WDR4: variants seen among roughly 807,000 people sequenced by gnomAD.
WDR4 encodes the protein tRNA (guanine-N(7)-)-methyltransferase non-catalytic subunit WDR4.
Under a neutral mutation model 48.6 loss-of-function variants are expected in WDR4, and 47 were observed. The ratio of observed to expected loss-of-function variants is 0.97; its 90% confidence interval spans 0.77 to 1.23. WDR4 has a LOEUF of 1.23. Ranked by LOEUF, WDR4 falls within the 50% of genes most tolerant of loss-of-function variation. The pLI, the probability that WDR4 is intolerant of heterozygous loss-of-function variation, is 0.00. For missense variants in WDR4, 606 were observed against 551.6 expected (o/e 1.10, Z -0.99); for synonymous variants, 268 against 230.0 (o/e 1.17, Z -1.49).
intron 2 of WDR4, among the ~76,000 whole-genome samples, 164 bp from the exon 3 acceptor site, chr21:42,873,855 ACAGCTCTAATTTTAT>A (rs2058430111): frequency 2.0e-5 from 3 of 152,136 alleles, no homozygotes; most frequent in African/African-American, 7.2e-5. Context: ...GAAGTTCAAA[ACAGCTCTAATTTTAT>A]CAGCATGAAG....
At chr21:42,858,351 G>A (rs375375911) in intron 6 of WDR4, among the ~76,000 whole-genome samples, 3 of 152,102 alleles carry the variant, frequency 2.0e-5, no homozygotes, top group East Asian at 1.9e-4. Context: ...ACGGACCCAC[G>A]GCAGACAGCT....
rs748436234 is a variant in WDR4, at chr21:42,850,029, G to C, written c.*20C>G. ...AAGCTTTTCCTAATTTGAGGTGAGA[G>C]ACACCACTGACCGCCACGATCAGCA... On this transcript the variant is annotated 3_prime_UTR_variant, in exon 11 of 11. Transcript: ENST00000398208. The C allele has an allele frequency of 2.5e-6, 4 of 1,610,000 alleles. No homozygotes were observed. Among genetic ancestry groups the C allele is most frequent in the Admixed American group, 1.7e-5 (1 of 58,292 alleles).
rs1602692826 is a variant in WDR4 at position 42,852,141 on chromosome 21, T to C, written c.1045+114A>G. 1.1e-5 allele frequency: 12 copies of C among 1,101,266 alleles called. No individual in the cohort carries two copies. The East Asian group carries it at 3.0e-4, about 27-fold the overall frequency. The allele number at this position is 1,101,266 out of a possible 1,614,324, so 68.2% of individuals were successfully genotyped here. A position where few individuals can be genotyped will look rare whatever the true frequency, so the allele number is the denominator to read the frequency against. On this transcript the variant is annotated intron_variant, in intron 10 of 10. Coordinates refer to ENST00000398208, the MANE Select transcript of WDR4 (RefSeq NM_018669.6). ...TCTGGATGGGGACACACGCTTACTC[T>C]CCCTCTTTATCTGCACACCAGGTAC...
At chr21:42,879,799 T>C (rs1216245606), upstream of WDR4, 4 of 419,456 alleles carry the variant, frequency 9.5e-6, no homozygotes, top group Non-Finnish European at 1.7e-5. Flanking sequence ...GGGGTAGGGC[T>C]GGTTCTGGAT....
At chr21:42,880,854 C>A (rs1173146867), upstream of WDR4, among the ~76,000 whole-genome samples, 2 of 152,058 alleles carry the variant, frequency 1.3e-5, no homozygotes. Context: ...TTGTTCACTA[C>A]AAGTCCCTTA....
At chr21:42,860,241 T>C (rs1219799046) in intron 5 of WDR4, among the ~76,000 whole-genome samples, 1 of 152,118 alleles carries the variant, frequency 6.6e-6, no homozygotes, top group Non-Finnish European at 1.5e-5. Flanking sequence ...TGACGGCCCC[T>C]CAGCAACAAC....
intron 2 of WDR4, 144 bp downstream of exon 2, chr21:42,876,558 T>C: frequency 1.4e-6 from 1 of 692,816 alleles, no homozygotes; most frequent in Non-Finnish European, 2.4e-6. Context: ...CTTTTACATG[T>C]CTCTCCTGAG....
intron 3 of WDR4, 137 bp from the exon 4 acceptor site, chr21:42,863,733 CA>C (rs1215138233): frequency 1.2e-4 from 120 of 971,346 alleles, no homozygotes; most frequent in Non-Finnish European, 1.3e-4. Flanking sequence ...AAGGTGGTGC[CA>C]AAAAAATTAA....
chr21:42,853,601 C>A lies in WDR4; in HGVS notation c.943G>T (p.Val315Leu), dbSNP rs1226809506. The change falls in exon 9 of 11, where the codon GTG becomes TTG. Residue 315 changes from valine (V) to leucine (L), a missense_variant. By Grantham distance (32) the Val-to-Leu change is conservative. Coordinates refer to ENST00000398208, the MANE Select transcript of WDR4 (RefSeq NM_018669.6). Reference protein sequence around the residue: ...VLQDCQEAPLVLYRPVGDQWQ... With the variant: ...VLQDCQEAPLLLYRPVGDQWQ... ...TGGTCGCCCACAGGCCTGTAGAGCA[C>A]CAGGGGGGCTTCCTGGCAGTCCTGG... 1 of 1,610,660 alleles carries A rather than the reference C, an allele frequency of 6.2e-7. No homozygotes were observed. The highest frequency in any genetic ancestry group is 8.5e-7 in the Non-Finnish European group (1 of 1,179,222).
the WDR4 span, among the ~76,000 whole-genome samples, chr21:42,888,722 A>T: frequency 1.4e-5 from 2 of 147,252 alleles, no homozygotes; most frequent in Admixed American, 1.4e-4. Flanking sequence ...TTTTTTAGAG[A>T]CAGAGTCTTG....
chr21:42,867,936 C>T (rs2058284732), intron 3 of WDR4, among the ~76,000 whole-genome samples: 1 of 152,120 alleles, frequency 6.6e-6, no homozygotes, highest in African/African-American at 2.4e-5. Context: ...CGAGTCAACA[C>T]AGCAAGACAT....
At chr21:42,871,065 C>G (rs985463394) in intron 3 of WDR4, among the ~76,000 whole-genome samples, 1 of 152,090 alleles carries the variant, frequency 6.6e-6, no homozygotes, top group African/African-American at 2.4e-5. Flanking sequence ...TAGCCCTGAC[C>G]CCATCTGACC....
the WDR4 span, among the ~76,000 whole-genome samples, chr21:42,891,410 C>T: frequency 6.6e-6 from 1 of 151,934 alleles, no homozygotes; most frequent in Non-Finnish European, 1.5e-5. Flanking sequence ...GTGACCACGC[C>T]AGAGGAGGTC....
At chr21:42,884,223 A>T (rs973794817), upstream of WDR4, among the ~76,000 whole-genome samples, 3 of 152,242 alleles carry the variant, frequency 2.0e-5, no homozygotes, top group African/African-American at 4.8e-5. Context: ...GGCTATAATG[A>T]ATAATGGTGT....
At chr21:42,868,065 C>T (rs2058288532) in intron 3 of WDR4, among the ~76,000 whole-genome samples, 1 of 152,332 alleles carries the variant, frequency 6.6e-6, no homozygotes, top group African/African-American at 2.4e-5. Context: ...CTCAAATGAC[C>T]TCCTCCAAGA....
At chr21:42,881,608 G>C (rs975406905), upstream of WDR4, among the ~76,000 whole-genome samples, 1 of 151,874 alleles carries the variant, frequency 6.6e-6, no homozygotes, top group African/African-American at 2.4e-5. Flanking sequence ...TTCACCATTT[G>C]TCCACCTCCC....
At chr21:42,883,321 T>A (rs965918880), upstream of WDR4, among the ~76,000 whole-genome samples, 1 of 151,022 alleles carries the variant, frequency 6.6e-6, no homozygotes, top group Admixed American at 6.6e-5. Flanking sequence ...ACCCTTTTTT[T>A]TTTTTTTTTT....
Position 42,862,055 on chromosome 21 carries a change from T to A in WDR4, c.566+227A>T, listed in dbSNP as rs147098789. On this transcript the variant is annotated intron_variant, in intron 5 of 10. Coordinates refer to ENST00000398208, the MANE Select transcript of WDR4 (RefSeq NM_018669.6). This position sits in a 1 kb window ranked among gnomAD's most constrained non-coding sequence, Gnocchi z 4.3. Reference sequence around the variant, plus strand: ...GCCCTTCCTGTTCGGTCAGGCCCAATGCCAAGTTACTGGCACAGACTCCGG... The same window carrying A: ...GCCCTTCCTGTTCGGTCAGGCCCAAAGCCAAGTTACTGGCACAGACTCCGG... 6.9e-4 allele frequency among the ~76,000 whole-genome samples: 105 copies of A among 152,232 alleles called. No homozygotes were observed. Among genetic ancestry groups the A allele is most frequent in the Non-Finnish European group, 1.3e-3 (89 of 68,006 alleles).
intron 6 of WDR4, among the ~76,000 whole-genome samples, chr21:42,859,246 T>C (rs1480672864): frequency 6.9e-6 from 1 of 145,234 alleles, no homozygotes; most frequent in African/African-American, 2.6e-5. Context: ...CACCCCATCT[T>C]AAAAAAAAAG....
Sources: allele counts gnomAD v4.1 joint callset (sites outside exome capture counted in the v4.1 genomes callset), GRCh38; gene constraint gnomAD v4.1.1; non-coding constraint Gnocchi (gnomAD v3.1); transcripts MANE v1.5; gene names NCBI Gene and HGNC (gene_info 2026-07-23, HGNC 2026-07-21).